Variants in SNX29 observed in about 807,000 individuals in gnomAD.
SNX29 encodes sorting nexin-29.
SNX29 carries 78 observed loss-of-function variants against 102.1 expected under a neutral mutation model. The ratio of observed to expected loss-of-function variants is 0.76; its 90% CI spans 0.64 to 0.92. SNX29 has a LOEUF of 0.92. Ranked by LOEUF, SNX29 falls within the 40% of genes least tolerant of loss-of-function variation. The pLI, the probability that SNX29 is intolerant of heterozygous loss-of-function variation, is 0.00. For missense variants in SNX29, 1,280 were observed against 1,061.7 expected (o/e 1.21, Z -2.86); for synonymous variants, 580 against 414.5 (o/e 1.40, Z -4.85).
rs1249420541 is a variant in SNX29 at position 12,058,495 on chromosome 16, G to GTTTTTTT, written c.1125-3023_1125-3017dup. On this transcript the variant is annotated intron_variant, in intron 8 of 20. Coordinates refer to ENST00000566228, the MANE Select transcript of SNX29 (RefSeq NM_032167.5). ...CTGGTGTTTTTTTTTTTGGTTTTTGGTTTTTTTTTTTTTTTTGAGATGGAG... is the reference window on the plus strand; with the variant it reads ...CTGGTGTTTTTTTTTTTGGTTTTTGGTTTTTTTTTTTTTTTTTTTTTTTGAGATGGAG... Among the ~76,000 whole-genome samples the GTTTTTTT allele has an allele frequency of 1.0e-3, 109 of 106,530 alleles. 9 individuals are homozygous for GTTTTTTT. Among genetic ancestry groups the GTTTTTTT allele is most frequent in the Middle Eastern group, 6.8e-3 (1 of 146 alleles). 69.9% of individuals were successfully genotyped at this position (106,530 alleles called of 152,430 possible). A position where few individuals can be genotyped will look rare whatever the true frequency, so the allele number is the denominator to read the frequency against.
At chr16:12,555,422 C>T (rs957553961) in intron 20 of SNX29, among the ~76,000 whole-genome samples, 3 of 152,070 alleles carry the variant, frequency 2.0e-5, no homozygotes, top group African/African-American at 7.2e-5. Flanking sequence ...CCTCAGGTTG[C>T]TTTGTAGGAG....
chr16:12,148,933 C>T (rs1229786467), intron 13 of SNX29, among the ~76,000 whole-genome samples: 1 of 152,020 alleles, frequency 6.6e-6, no homozygotes, highest in African/African-American at 2.4e-5. Flanking sequence ...AACTCCTGAC[C>T]TCAGGTGATC....
At chr16:12,120,407 A>T (rs1389936164) in intron 11 of SNX29, among the ~76,000 whole-genome samples, 1 of 152,236 alleles carries the variant, frequency 6.6e-6, no homozygotes, top group East Asian at 1.9e-4. Context: ...TATATATGTG[A>T]GAGAGTGTGT....
At chr16:12,011,613 G>C (rs190752489) in intron 3 of SNX29, among the ~76,000 whole-genome samples, 101 of 152,130 alleles carry the variant, frequency 6.6e-4, no homozygotes, top group African/African-American at 2.3e-3. Context: ...ATTAATATTT[G>C]TCTTACTTAT....
intron 14 of SNX29, among the ~76,000 whole-genome samples, chr16:12,254,555 C>G (rs758097652): frequency 1.3e-5 from 2 of 152,074 alleles, no homozygotes; most frequent in African/African-American, 2.4e-5. Context: ...GCAGGAGAAT[C>G]GCTTGAACCC....
chr16:12,033,610 C>CTTTTTTT (rs869128492), intron 4 of SNX29, among the ~76,000 whole-genome samples: 5 of 140,106 alleles, frequency 3.6e-5, no homozygotes, highest in African/African-American at 2.6e-5. Flanking sequence ...TTTCTTTTTT[C>CTTTTTTT]TTTTTTTTTT....
intron 19 of SNX29, among the ~76,000 whole-genome samples, chr16:12,512,366 GAA>G (rs1491404458): frequency 0.38 from 28,364 of 75,478 alleles, 5,907 homozygotes; most frequent in African/African-American, 0.49. Context: ...AAGGCCCAGG[GAA>G]AATATATATA....
chr16:12,569,280 C>A lies in SNX29; in HGVS notation c.*651C>A. ...TGTGCAACTTGAGTTCAGAGAACTT[C>A]CCCTACCTCCCCCATGGCTGGCTTC... On this transcript the variant is annotated 3_prime_UTR_variant, in exon 21 of 21. Transcript: ENST00000566228. 4.4e-6 allele frequency: 1 copy of A among 228,926 alleles called. No individual in the cohort carries two copies. The highest frequency in any genetic ancestry group is 6.2e-5 in the East Asian group (1 of 16,022). The allele number at this position is 228,926 out of a possible 1,614,324, so 14.2% of individuals were successfully genotyped here. A position where few individuals can be genotyped will look rare whatever the true frequency, so the allele number is the denominator to read the frequency against.
intron 14 of SNX29, among the ~76,000 whole-genome samples, chr16:12,209,643 G>A (rs2077131769): frequency 6.6e-6 from 1 of 152,172 alleles, no homozygotes; most frequent in Non-Finnish European, 1.5e-5. Flanking sequence ...GCCACCAGCT[G>A]CGTGTTTGAC....
At chr16:12,504,411 C>T (rs540114240) in intron 19 of SNX29, among the ~76,000 whole-genome samples, 24 of 152,144 alleles carry the variant, frequency 1.6e-4, no homozygotes, top group Non-Finnish European at 3.5e-4. Context: ...CATTTCTCCC[C>T]AACCCCCAGC....
intron 8 of SNX29, chr16:12,060,873 T>C: frequency 2.2e-6 from 1 of 456,212 alleles, no homozygotes. Context: ...CATATGAGCA[T>C]GGTTAATAAT....
chr16:12,439,543 C>T (rs1336406529), intron 18 of SNX29, among the ~76,000 whole-genome samples: 1 of 152,142 alleles, frequency 6.6e-6, no homozygotes, highest in East Asian at 1.9e-4. Context: ...AGAATGAGAG[C>T]CAAGCGAAAG....
At chr16:12,012,111 C>T (rs2056674203) in intron 3 of SNX29, among the ~76,000 whole-genome samples, 6 of 152,114 alleles carry the variant, frequency 3.9e-5, no homozygotes, top group Admixed American at 3.9e-4. Flanking sequence ...TTGCTGTCTT[C>T]AAGAAATTCA....
intron 13 of SNX29, among the ~76,000 whole-genome samples, chr16:12,155,560 C>A (rs1402307048): frequency 1.3e-5 from 2 of 152,194 alleles, no homozygotes; most frequent in African/African-American, 4.8e-5. Flanking sequence ...GCCACAGACA[C>A]ACTGAGCCAA....
chr16:11,980,026 C>G (rs563658879), intron 1 of SNX29, among the ~76,000 whole-genome samples: 2 of 152,284 alleles, frequency 1.3e-5, no homozygotes, highest in South Asian at 4.1e-4. Flanking sequence ...TGTTTTAAAT[C>G]TTTTAGGTCT....
intron 20 of SNX29, chr16:12,557,677 A>T (rs925469123): frequency 1.3e-5 from 2 of 152,198 alleles, no homozygotes; most frequent in South Asian, 4.1e-4. Flanking sequence ...AATCTTTTTG[A>T]TGAGTGGCAG....
At chr16:12,008,397 G>A (rs999875041) in intron 3 of SNX29, among the ~76,000 whole-genome samples, 3 of 152,072 alleles carry the variant, frequency 2.0e-5, no homozygotes, top group Admixed American at 6.6e-5. Flanking sequence ...GGCCTTCCAG[G>A]TAGCTGGGAT....
chr16:12,282,462 G>A (rs771712624), intron 15 of SNX29, among the ~76,000 whole-genome samples: 3 of 152,096 alleles, frequency 2.0e-5, no homozygotes, highest in Admixed American at 6.5e-5. Flanking sequence ...AGGGCAGTGC[G>A]GACATTGTCT....
At chr16:12,233,197 A>C (rs1238564624) in intron 14 of SNX29, among the ~76,000 whole-genome samples, 1 of 152,116 alleles carries the variant, frequency 6.6e-6, no homozygotes, top group Non-Finnish European at 1.5e-5. Flanking sequence ...CCAGGTACCC[A>C]TCAATGGTAG....
Sources: gnomAD v4.1 joint callset for allele counts (sites outside exome capture counted in the v4.1 genomes callset) on GRCh38, gnomAD v4.1.1 for gene constraint, MANE v1.5 for transcripts, NCBI Gene and HGNC (gene_info 2026-07-23, HGNC 2026-07-21) for gene names.